SUGCT: variants seen among roughly 807,000 people sequenced by gnomAD.
The protein encoded by SUGCT is succinyl-CoA:glutarate CoA-transferase.
Under a neutral mutation model 55.0 loss-of-function variants are expected in SUGCT, and 41 were observed. The observed-to-expected ratio is 0.74, with a 90% CI of 0.58 to 0.97. The LOEUF (loss-of-function observed/expected upper bound fraction) is 0.97. Ranked by LOEUF, SUGCT falls within the 50% of genes least tolerant of loss-of-function variation. The probability of loss-of-function intolerance (pLI) is 0.00; values close to 1 mark genes in which losing one functional copy is unlikely to be tolerated. For missense variants in SUGCT, 568 were observed against 547.8 expected (o/e 1.04, Z -0.37); for synonymous variants, 187 against 200.4 (o/e 0.93, Z 0.56).
At chr7:40,430,147 C>G (rs1787818682) in intron 9 of SUGCT, among the ~76,000 whole-genome samples, 1 of 152,100 alleles carries the variant, frequency 6.6e-6, no homozygotes, top group South Asian at 2.1e-4. Context: ...GGTATCTTCA[C>G]AAGATGGTGA....
intron 9 of SUGCT, among the ~76,000 whole-genome samples, chr7:40,415,616 C>T (rs1350752828): frequency 1.3e-5 from 2 of 151,818 alleles, no homozygotes; most frequent in Non-Finnish European, 2.9e-5. Context: ...ATTTATTCTC[C>T]TAAATTTTAT....
At chr7:40,841,838 CTG>C (rs1380701740) in intron 13 of SUGCT, among the ~76,000 whole-genome samples, 6 of 152,140 alleles carry the variant, frequency 3.9e-5, no homozygotes, top group Non-Finnish European at 5.9e-5. Flanking sequence ...TTGTTGGAAA[CTG>C]TGCAGAGGGC....
chr7:40,498,850 G>C (rs1362661737), intron 12 of SUGCT, among the ~76,000 whole-genome samples: 1 of 152,154 alleles, frequency 6.6e-6, no homozygotes, highest in South Asian at 2.1e-4. Flanking sequence ...TAGCTTTGGG[G>C]ATGGGGATCA....
chr7:40,747,429 G>A (rs1787788868), intron 12 of SUGCT, among the ~76,000 whole-genome samples: 2 of 152,192 alleles, frequency 1.3e-5, no homozygotes, highest in Non-Finnish European at 2.9e-5. Flanking sequence ...GTTTAACAAA[G>A]TGAGAAAACA....
chr7:40,181,789 A>G (rs1016339136), intron 2 of SUGCT, among the ~76,000 whole-genome samples, 166 bp from the exon 3 acceptor site: 3 of 151,966 alleles, frequency 2.0e-5, no homozygotes, highest in South Asian at 2.1e-4. Context: ...CAAAGGGGAT[A>G]TATATTTTTA....
chr7:40,709,196 C>T (rs1785577662), intron 12 of SUGCT, among the ~76,000 whole-genome samples: 1 of 152,180 alleles, frequency 6.6e-6, no homozygotes. Flanking sequence ...TTGTTTGATG[C>T]CCTTTTGATA....
intron 9 of SUGCT, among the ~76,000 whole-genome samples, chr7:40,421,159 G>A (rs754100013): frequency 2.0e-5 from 3 of 152,072 alleles, no homozygotes; most frequent in Non-Finnish European, 2.9e-5. Flanking sequence ...GAACTGTGAC[G>A]GCTGCTTCTT....
intron 8 of SUGCT, among the ~76,000 whole-genome samples, chr7:40,285,189 T>C (rs1562645649): frequency 1.3e-5 from 2 of 152,108 alleles, no homozygotes; most frequent in South Asian, 4.1e-4. Flanking sequence ...TCTTAAACAA[T>C]AGAAAAATAA....
At chr7:40,495,117 G>T (rs1039899919) in intron 11 of SUGCT, among the ~76,000 whole-genome samples, 1 of 151,684 alleles carries the variant, frequency 6.6e-6, no homozygotes, top group African/African-American at 2.4e-5. Flanking sequence ...TCACCATTTT[G>T]GTCAGGCTGG....
At chr7:41,026,142 T>C in the SUGCT span, among the ~76,000 whole-genome samples, 1 of 152,192 alleles carries the variant, frequency 6.6e-6, no homozygotes, top group Non-Finnish European at 1.5e-5. Flanking sequence ...CAGGGCCAGC[T>C]TCATGGGCCT....
At position 40,850,633 on chromosome 7, in the gene SUGCT, T is replaced by C. The variant is rs371075367; in HGVS notation, c.1154-9683T>C. ...TCTGTAGGAAGGGGAAACATACCTA[T>C]CTCAAAGGGTTGTAATGAAGAATAA... On this transcript the variant is annotated intron_variant, in intron 13 of 13. Transcript: ENST00000335693. Among the ~76,000 whole-genome samples, 4 of 152,252 alleles carry C rather than the reference T, an allele frequency of 2.6e-5. No individual in the cohort carries two copies. The South Asian group carries it at 8.3e-4, about 32-fold the overall frequency.
intron 13 of SUGCT, among the ~76,000 whole-genome samples, chr7:40,779,890 G>C (rs1409239063): frequency 6.6e-6 from 1 of 152,128 alleles, no homozygotes; most frequent in Admixed American, 6.6e-5. Context: ...TTATTTCTGA[G>C]ATCTGGCTTC....
Position 40,430,827 on chromosome 7 carries a change from C to T in SUGCT, c.817-18460C>T, listed in dbSNP as rs1356347225. ...TTTTTTTCAGGGATAAGATAATGGC[C>T]TGTGGGCCGGGCACTGTGGCTAACA... On this transcript the variant is annotated intron_variant, in intron 9 of 13. Coordinates refer to ENST00000335693, the MANE Select transcript of SUGCT (RefSeq NM_001193313.2). Among the ~76,000 whole-genome samples, 3 of 151,966 alleles carry T rather than the reference C, an allele frequency of 2.0e-5. No individual in the cohort carries two copies. In the South Asian group the frequency reaches 6.2e-4, roughly 31 times the overall value.
chr7:40,405,627 T>C (rs907122453), intron 9 of SUGCT, among the ~76,000 whole-genome samples: 4 of 152,054 alleles, frequency 2.6e-5, no homozygotes, highest in Non-Finnish European at 5.9e-5. Flanking sequence ...CTGGCCAACA[T>C]GGCAAAACCC....
At chr7:40,969,821 A>G in the SUGCT span, among the ~76,000 whole-genome samples, 2 of 152,172 alleles carry the variant, frequency 1.3e-5, no homozygotes, top group Non-Finnish European at 2.9e-5. Flanking sequence ...TGTTTTCTGA[A>G]TAAATTACAG....
the SUGCT span, among the ~76,000 whole-genome samples, chr7:40,893,810 C>G: frequency 6.6e-6 from 1 of 152,096 alleles, no homozygotes; most frequent in African/African-American, 2.4e-5. Context: ...CCTGTAATCC[C>G]AGCACTTTGG....
the SUGCT span, among the ~76,000 whole-genome samples, chr7:40,880,979 C>T: frequency 6.6e-6 from 1 of 152,112 alleles, no homozygotes. Context: ...ATTATGAGGC[C>T]AAGTTGTACA....
At chr7:40,413,424 C>G (rs375475439) in intron 9 of SUGCT, among the ~76,000 whole-genome samples, 17 of 152,070 alleles carry the variant, frequency 1.1e-4, no homozygotes, top group African/African-American at 4.1e-4. Flanking sequence ...ACTTCATCCA[C>G]CAAAATAAAC....
intron 5 of SUGCT, 141 bp from the exon 6 acceptor site, chr7:40,194,798 TC>T: frequency 1.0e-6 from 1 of 961,098 alleles, no homozygotes; most frequent in Non-Finnish European, 1.5e-6. Context: ...GACTAGAACT[TC>T]TATGTTTATC....
Sources: allele counts gnomAD v4.1 joint callset (sites outside exome capture counted in the v4.1 genomes callset), GRCh38; gene constraint gnomAD v4.1.1; transcripts MANE v1.5; gene names NCBI Gene and HGNC (gene_info 2026-07-23, HGNC 2026-07-21).